TRPC3: variants seen among roughly 807,000 people sequenced by gnomAD.
TRPC3 encodes short transient receptor potential channel 3.
A neutral mutation model predicts 90.9 loss-of-function variants in TRPC3; 54 were observed. The ratio of observed to expected loss-of-function variants is 0.59; its 90% CI spans 0.48 to 0.75. The LOEUF (loss-of-function observed/expected upper bound fraction) is 0.75, where lower values mean the gene tolerates loss of function less well. Ranked by LOEUF, TRPC3 falls within the 30% of genes least tolerant of loss-of-function variation. The pLI is 0.00. For synonymous variants in TRPC3, 424 were observed against 450.9 expected (o/e 0.94, Z 0.75); for missense variants, 918 against 1,194.5 (o/e 0.77, Z 3.41).
chr4:121,912,733 T>G (rs907351200), intron 4 of TRPC3, among the ~76,000 whole-genome samples: 20 of 152,230 alleles, frequency 1.3e-4, no homozygotes, highest in Non-Finnish European at 2.8e-4. Context: ...TATTTGAAAG[T>G]GATCTCCCAG....
intron 2 of TRPC3, among the ~76,000 whole-genome samples, chr4:121,928,547 G>A (rs1233067267): frequency 1.3e-5 from 2 of 152,154 alleles, no homozygotes; most frequent in Non-Finnish European, 2.9e-5. Context: ...ATTCCACCAC[G>A]TTACTTCACA....
intron 1 of TRPC3, among the ~76,000 whole-genome samples, chr4:121,947,047 G>A (rs920657882): frequency 6.6e-6 from 1 of 151,654 alleles, no homozygotes; most frequent in Admixed American, 6.6e-5. Flanking sequence ...GTCAGTTATG[G>A]TAGTGTGTGC....
intron 1 of TRPC3, among the ~76,000 whole-genome samples, chr4:121,941,234 G>A (rs960575899): frequency 1.3e-5 from 2 of 152,132 alleles, no homozygotes; most frequent in African/African-American, 2.4e-5. Flanking sequence ...GCATTATTAC[G>A]GAAGTCACCT....
At chr4:121,880,443 G>A (rs1270431721) in intron 11 of TRPC3, among the ~76,000 whole-genome samples, 1 of 152,148 alleles carries the variant, frequency 6.6e-6, no homozygotes, top group Non-Finnish European at 1.5e-5. Context: ...CAGCACAAAG[G>A]ACTAATGCGT....
chr4:121,907,276 A>T lies in TRPC3; in HGVS notation c.2057+27T>A, dbSNP rs199969572. ...ATTGGTTAGAATTTCTCTTTATCAT[A>T]CCTGTATAATAAGATATTTTACTTA... On this transcript the variant is annotated intron_variant, in intron 7 of 11. Coordinates refer to ENST00000379645, the MANE Select transcript of TRPC3 (RefSeq NM_001130698.2). 6.6e-5 allele frequency: 104 copies of T among 1,574,978 alleles called. 1 individual carries two copies. The South Asian group carries it at 1.1e-3, about 17-fold the overall frequency.
intron 1 of TRPC3, among the ~76,000 whole-genome samples, chr4:121,943,121 G>A (rs1390577080): frequency 6.6e-6 from 1 of 152,080 alleles, no homozygotes; most frequent in East Asian, 1.9e-4. Flanking sequence ...TCTATTGGAG[G>A]GATGGGTGCC....
chr4:121,948,840 G>GTTTTTTTTTTTTTTTTTTTT (rs10626464), intron 1 of TRPC3, among the ~76,000 whole-genome samples: 1 of 147,960 alleles, frequency 6.8e-6, no homozygotes, highest in Non-Finnish European at 1.5e-5. Context: ...ACTCTTTGCG[G>GTTTTTTTTTTTTTTTTTTTT]TTTTTTTTTT....
chr4:121,920,842 TAAG>T (rs1729475542), intron 3 of TRPC3, among the ~76,000 whole-genome samples: 2 of 152,346 alleles, frequency 1.3e-5, no homozygotes, highest in African/African-American at 4.8e-5. Context: ...CTTGGGATAT[TAAG>T]AAGATCAATC....
chr4:121,919,962 T>G (rs1405356625), intron 3 of TRPC3, among the ~76,000 whole-genome samples: 1 of 152,140 alleles, frequency 6.6e-6, no homozygotes, highest in Admixed American at 6.5e-5. Context: ...GGATTAATGT[T>G]CAGCTGCACA....
chr4:121,948,413 A>G (rs1730566836), intron 1 of TRPC3, among the ~76,000 whole-genome samples: 1 of 150,034 alleles, frequency 6.7e-6, no homozygotes, highest in Non-Finnish European at 1.5e-5. Flanking sequence ...CACCAACACT[A>G]CACTATTACA....
chr4:121,913,135 T>C (rs1251943899), intron 4 of TRPC3, among the ~76,000 whole-genome samples: 2 of 152,234 alleles, frequency 1.3e-5, no homozygotes, highest in African/African-American at 4.8e-5. Context: ...CACAGACGAA[T>C]GTCACATTTT....
At chr4:121,930,187 A>G (rs1729852282) in intron 2 of TRPC3, among the ~76,000 whole-genome samples, 1 of 152,206 alleles carries the variant, frequency 6.6e-6, no homozygotes, top group African/African-American at 2.4e-5. Flanking sequence ...GGAGAGAGAC[A>G]TGAAGTCCTT....
rs1462707017 is a variant in TRPC3 at position 121,875,238 on chromosome 4, T to C, written c.*4498A>G. 6.6e-6 allele frequency among the ~76,000 whole-genome samples: 1 copy of C among 152,144 alleles called. No individual in the cohort carries two copies. Among genetic ancestry groups the C allele is most frequent in the Non-Finnish European group, 1.5e-5 (1 of 68,014 alleles). On this transcript the variant is annotated 3_prime_UTR_variant, in exon 12 of 12. Transcript: ENST00000379645. ...GTGTAGAAGGAAAGTAAAAGTTTAT[T>C]TTGAAGCTCAAATTTATTTTAAAAC...
Position 121,907,625 on chromosome 4 carries a change from CA to C in TRPC3, c.1793-59del. ...AGCTTTCTATTCATTGCCAACTACG[CA>C]AAGCAAATACCTTAAATAGGATCTA... is the stretch of plus-strand genomic sequence containing the variant. On this transcript the variant is annotated intron_variant, in intron 6 of 11. Transcript: ENST00000379645. 3.3e-6 allele frequency: 5 copies of C among 1,537,218 alleles called. 1 individual carries two copies. The South Asian group carries it at 6.4e-5, about 20-fold the overall frequency.
intron 1 of TRPC3, among the ~76,000 whole-genome samples, chr4:121,944,286 A>G (rs1419057583): frequency 6.6e-6 from 1 of 152,228 alleles, no homozygotes; most frequent in Non-Finnish European, 1.5e-5. Flanking sequence ...TCCCTGAAAC[A>G]GGAAATCTCA....
rs968741208 is a variant in TRPC3, at chr4:121,874,520, G to A, written c.*5216C>T. On this transcript the variant is annotated 3_prime_UTR_variant, in exon 12 of 12. Transcript: ENST00000379645. ...AGAAATTTATTTTCTCACAGTCTTG[G>A]AGTCTAGAAGTCATAGATCAAGGTG... is the stretch of plus-strand genomic sequence containing the variant. Among the ~76,000 whole-genome samples the A allele has an allele frequency of 1.3e-4, 20 of 152,148 alleles. No homozygotes were observed. Among genetic ancestry groups the A allele is most frequent in the African/African-American group, 4.3e-4 (18 of 41,438 alleles).
intron 1 of TRPC3, among the ~76,000 whole-genome samples, chr4:121,937,030 T>C (rs1025708027): frequency 6.6e-6 from 1 of 152,214 alleles, no homozygotes; most frequent in Admixed American, 6.5e-5. Context: ...GGGAACCCTC[T>C]GCTCTGCTCT....
At chr4:121,915,876 C>A (rs144371564) in intron 3 of TRPC3, among the ~76,000 whole-genome samples, 3 of 152,058 alleles carry the variant, frequency 2.0e-5, no homozygotes, top group Non-Finnish European at 4.4e-5. Flanking sequence ...TTTGAATGGT[C>A]ATATGCTCTT....
chr4:121,928,318 A>C (rs528726230), intron 2 of TRPC3, among the ~76,000 whole-genome samples: 1 of 152,366 alleles, frequency 6.6e-6, no homozygotes, highest in South Asian at 2.1e-4. Context: ...TCCCACTTGA[A>C]GAAGTCTGTT....
Sources: allele counts gnomAD v4.1 joint callset (sites outside exome capture counted in the v4.1 genomes callset), GRCh38; gene constraint gnomAD v4.1.1; transcripts MANE v1.5; gene names NCBI Gene and HGNC (gene_info 2026-07-23, HGNC 2026-07-21).